The following FBXW11 variants were observed in gnomAD, a reference collection of about 807,000 sequenced individuals.
FBXW11 encodes the protein F-box and WD repeat domain containing 11, also known as F-box/WD repeat-containing protein 11.
In FBXW11, 19 loss-of-function variants were observed where a neutral mutation model predicts 77.6. The ratio of observed to expected loss-of-function variants is 0.24; its 90% CI spans 0.17 to 0.36. The LOEUF is 0.36. Ranked by LOEUF, FBXW11 falls within the 10% of genes least tolerant of loss-of-function variation. The pLI is 1.00. For synonymous variants in FBXW11, 235 were observed against 249.4 expected, an observed-to-expected ratio of 0.94 and a Z score of 0.54; for missense variants, 334 against 704.2, an observed-to-expected ratio of 0.47 and a Z score of 5.95.
intron 6 of FBXW11, among the ~76,000 whole-genome samples, chr5:171,891,989 A>G (rs1408454527): frequency 6.6e-6 from 1 of 152,224 alleles, no homozygotes; most frequent in East Asian, 1.9e-4. Flanking sequence ...GACAATCTAC[A>G]TATCCAAACA....
At chr5:171,870,348 A>G (rs1757678818) in intron 11 of FBXW11, among the ~76,000 whole-genome samples, 1 of 151,102 alleles carries the variant, frequency 6.6e-6, no homozygotes, top group South Asian at 2.1e-4. Flanking sequence ...ATTTACCAAA[A>G]AGGGAAAAAA....
intron 1 of FBXW11, among the ~76,000 whole-genome samples, chr5:171,987,602 C>T (rs1486766600): frequency 1.3e-5 from 2 of 151,834 alleles, no homozygotes; most frequent in African/African-American, 4.9e-5. Flanking sequence ...CAGGCACCCA[C>T]TACCATGCCC....
At chr5:171,920,306 G>A (rs867003601) in intron 2 of FBXW11, among the ~76,000 whole-genome samples, 2 of 151,812 alleles carry the variant, frequency 1.3e-5, no homozygotes, top group Admixed American at 6.6e-5. Context: ...AGTTCATTTA[G>A]TCAGGTCTCC....
intron 1 of FBXW11, among the ~76,000 whole-genome samples, chr5:171,979,352 CATAT>C (rs1301310107): frequency 2.6e-5 from 4 of 152,008 alleles, no homozygotes; most frequent in African/African-American, 7.2e-5. Context: ...TACATACATA[CATAT>C]GTACATGTAT....
chr5:171,878,148 C>T lies in FBXW11; in HGVS notation c.853-19G>A, dbSNP rs747866928. The T allele has an allele frequency of 2.0e-6, 3 of 1,524,998 alleles. No homozygotes were observed. In the South Asian group the frequency reaches 3.4e-5, roughly 17 times the overall value. The allele number at this position is 1,524,998 out of a possible 1,614,324, so 94.5% of individuals were successfully genotyped here. A position where few individuals can be genotyped will look rare whatever the true frequency, so the allele number is the denominator to read the frequency against. ...CCCATATCTATTGAGACAAGATTAG[C>T]CACAAACGATGATTAATTATACTAT... On this transcript the variant is annotated intron_variant, in intron 7 of 13. Coordinates refer to ENST00000517395, the MANE Select transcript of FBXW11 (RefSeq NM_001378974.1).
intron 1 of FBXW11, among the ~76,000 whole-genome samples, chr5:172,000,984 G>A (rs974472524): frequency 5.9e-5 from 9 of 152,230 alleles, no homozygotes; most frequent in Non-Finnish European, 1.0e-4. Context: ...TCAGTTCTTT[G>A]CTAACAACCA....
intron 2 of FBXW11, among the ~76,000 whole-genome samples, chr5:171,919,221 C>T (rs577908644): frequency 1.6e-4 from 24 of 152,206 alleles, no homozygotes; most frequent in African/African-American, 5.5e-4. Flanking sequence ...TAACAGGAAG[C>T]CATATATATA....
At chr5:172,001,055 A>G (rs1438025922) in intron 1 of FBXW11, among the ~76,000 whole-genome samples, 1 of 152,214 alleles carries the variant, frequency 6.6e-6, no homozygotes, top group Non-Finnish European at 1.5e-5. Flanking sequence ...AATGGTTAAT[A>G]TGTCTATGGA....
chr5:171,923,913 T>C (rs1761741179), intron 2 of FBXW11, among the ~76,000 whole-genome samples: 1 of 3,678 alleles, frequency 2.7e-4, no homozygotes, highest in African/African-American at 3.8e-4. Flanking sequence ...CCCCACCTTT[T>C]TTTTTTTTTT....
chr5:171,868,497 C>T (rs372538062), intron 13 of FBXW11, 113 bp downstream of exon 13: 14 of 805,772 alleles, frequency 1.7e-5, no homozygotes, highest in East Asian at 5.1e-5. Flanking sequence ...AAAGTTGACA[C>T]GTCTAAGAGA....
At chr5:171,899,830 C>A (rs1052709811) in intron 5 of FBXW11, 84 bp downstream of exon 5, 13 of 1,228,774 alleles carry the variant, frequency 1.1e-5, no homozygotes, top group Middle Eastern at 2.9e-4. Flanking sequence ...AGCACATTTG[C>A]AAGTATAATT....
At position 171,962,480 on chromosome 5, in the gene FBXW11, T is replaced by G. The variant is rs914484667; in HGVS notation, c.46-4782A>C. The stretch of plus-strand genomic sequence containing the variant: ...CTAATACCTAATTAGATTGTATATT[T>G]GTAGGTTCTATAGCTGAAGAAAATA... On this transcript the variant is annotated intron_variant, in intron 1 of 13. Coordinates refer to ENST00000517395, the MANE Select transcript of FBXW11 (RefSeq NM_001378974.1). Among the ~76,000 whole-genome samples, 4 of 152,356 alleles carry G rather than the reference T, an allele frequency of 2.6e-5. No homozygotes were observed. The South Asian group carries it at 6.2e-4, about 24-fold the overall frequency.
intron 13 of FBXW11, among the ~76,000 whole-genome samples, chr5:171,865,368 G>A (rs1384892231): frequency 6.6e-6 from 1 of 151,768 alleles, no homozygotes; most frequent in African/African-American, 2.4e-5. Context: ...AGATGATAAA[G>A]GGTTGGACAA....
At chr5:171,893,468 A>G (rs935454496) in intron 6 of FBXW11, among the ~76,000 whole-genome samples, 1 of 143,858 alleles carries the variant, frequency 7.0e-6, no homozygotes, top group African/African-American at 2.5e-5. Flanking sequence ...CATCTCTGCT[A>G]CCTCTATCAA....
intron 1 of FBXW11, among the ~76,000 whole-genome samples, chr5:171,989,581 CA>C (rs1347664132): frequency 6.6e-6 from 1 of 152,196 alleles, no homozygotes. Context: ...ATAATGAATG[CA>C]CAAGGTTACA....
chr5:171,905,568 A>C (rs1760434629), intron 4 of FBXW11, among the ~76,000 whole-genome samples: 1 of 147,662 alleles, frequency 6.8e-6, no homozygotes, highest in African/African-American at 2.5e-5. Context: ...AATACTACGC[A>C]TCTCCTCCAG....
intron 2 of FBXW11, among the ~76,000 whole-genome samples, chr5:171,932,861 T>C (rs1300342296): frequency 6.8e-6 from 1 of 146,140 alleles, no homozygotes; most frequent in African/African-American, 2.6e-5. Flanking sequence ...GGCTCATGCA[T>C]GTAATCCCAG....
intron 1 of FBXW11, among the ~76,000 whole-genome samples, chr5:171,961,907 A>G (rs372617032): frequency 3.9e-5 from 6 of 152,350 alleles, no homozygotes; most frequent in African/African-American, 1.4e-4. Context: ...TTGGCCTCCC[A>G]AAGTGCTGGC....
intron 4 of FBXW11, among the ~76,000 whole-genome samples, chr5:171,907,197 G>C (rs1291050192): frequency 6.6e-6 from 1 of 152,166 alleles, no homozygotes; most frequent in Non-Finnish European, 1.5e-5. Flanking sequence ...AAAGGAGCCA[G>C]AGACCACAAA....
Sources: gnomAD v4.1 joint callset for allele counts (sites outside exome capture counted in the v4.1 genomes callset) on GRCh38, gnomAD v4.1.1 for gene constraint, MANE v1.5 for transcripts, NCBI Gene and HGNC (gene_info 2026-07-23, HGNC 2026-07-21) for gene names.